The following SYCP1 variants were observed in gnomAD, a reference collection of about 807,000 sequenced individuals.
SYCP1 encodes the protein synaptonemal complex protein 1.
In SYCP1, 64 loss-of-function variants were observed where a neutral mutation model predicts 153.1. The observed-to-expected ratio is 0.42, with a 90% CI of 0.34 to 0.51. SYCP1 has a LOEUF of 0.51. Ranked by LOEUF, SYCP1 falls within the 20% of genes least tolerant of loss-of-function variation. SYCP1 has a pLI of 0.06. For missense variants in SYCP1, 997 were observed against 1,049.0 expected, an observed-to-expected ratio of 0.95 and a Z score of 0.68; for synonymous variants, 384 against 341.8, an observed-to-expected ratio of 1.12 and a Z score of -1.36.
intron 13 of SYCP1, among the ~76,000 whole-genome samples, 164 bp from the exon 14 acceptor site, chr1:114,885,961 A>G (rs952833706): frequency 6.6e-6 from 1 of 152,104 alleles, no homozygotes; most frequent in African/African-American, 2.4e-5. Flanking sequence ...AGAACAGTGA[A>G]TTGAAATAAG....
intron 27 of SYCP1, among the ~76,000 whole-genome samples, chr1:114,964,138 T>C (rs1671953912): frequency 6.6e-6 from 1 of 152,244 alleles, no homozygotes; most frequent in Non-Finnish European, 1.5e-5. Flanking sequence ...TGATGAGCTT[T>C]TTTTTCATGT....
chr1:114,895,717 AT>A (rs903884710), intron 16 of SYCP1, among the ~76,000 whole-genome samples: 1 of 152,116 alleles, frequency 6.6e-6, no homozygotes, highest in African/African-American at 2.4e-5. Flanking sequence ...TGTTTATATC[AT>A]TTGAATATGT....
intron 8 of SYCP1, among the ~76,000 whole-genome samples, chr1:114,873,608 A>T (rs1273358857): frequency 6.6e-6 from 1 of 152,184 alleles, no homozygotes; most frequent in Admixed American, 6.5e-5. Context: ...TAAGAACGGG[A>T]CATATTGGTA....
intron 8 of SYCP1, among the ~76,000 whole-genome samples, chr1:114,864,598 C>T (rs1000658716): frequency 2.0e-5 from 3 of 152,080 alleles, no homozygotes; most frequent in African/African-American, 7.2e-5. Flanking sequence ...AAGCAATCTT[C>T]CTACCTCAGT....
At chr1:114,903,182 A>AGTGG (rs1183066574) in intron 16 of SYCP1, among the ~76,000 whole-genome samples, 1 of 152,132 alleles carries the variant, frequency 6.6e-6, no homozygotes, top group Non-Finnish European at 1.5e-5. Context: ...CTGTCTGAAG[A>AGTGG]ACAAAAACAA....
chr1:114,945,235 C>G (rs1557822632), intron 25 of SYCP1, among the ~76,000 whole-genome samples: 2 of 151,954 alleles, frequency 1.3e-5, no homozygotes, highest in Non-Finnish European at 1.5e-5. Context: ...AGTAATCACT[C>G]TTTTTCTGGA....
chr1:114,911,404 T>G, intron 17 of SYCP1, 75 bp from the exon 18 acceptor site: 1 of 1,187,624 alleles, frequency 8.4e-7, no homozygotes, highest in Non-Finnish European at 1.1e-6. Flanking sequence ...TATGACTTAA[T>G]TACACAGTGA....
chr1:114,914,772 T>C (rs115589671), intron 20 of SYCP1, among the ~76,000 whole-genome samples: 7,058 of 152,282 alleles, frequency 0.046, 197 homozygotes, highest in Middle Eastern at 0.075. Flanking sequence ...GATACTTTTC[T>C]GGAGGAATGC....
chr1:114,910,880 A>T (rs998359137), intron 17 of SYCP1, among the ~76,000 whole-genome samples: 1 of 152,102 alleles, frequency 6.6e-6, no homozygotes, highest in Non-Finnish European at 1.5e-5. Flanking sequence ...TTCCTGGCTC[A>T]TCCCCTCAAG....
chr1:114,947,811 CAAAAAAAAAAAAAAA>C (rs1174716918), intron 27 of SYCP1, among the ~76,000 whole-genome samples: 4 of 43,880 alleles, frequency 9.1e-5, no homozygotes, highest in South Asian at 1.5e-3. Context: ...GACTCCGTCT[CAAAAAAAAAAAAAAA>C]AAAAAAAAAA....
At chr1:114,877,988 G>A in intron 11 of SYCP1, 106 bp from the exon 12 acceptor site, 1 of 672,272 alleles carries the variant, frequency 1.5e-6, no homozygotes, top group Non-Finnish European at 2.4e-6. Flanking sequence ...AAGTGGACCA[G>A]CTGAAAAGCA....
chr1:114,939,487 C>T (rs1306904002), intron 23 of SYCP1, among the ~76,000 whole-genome samples: 1 of 152,148 alleles, frequency 6.6e-6, no homozygotes, highest in East Asian at 1.9e-4. Flanking sequence ...CTGATAGTCA[C>T]AGGAACATGG....
Position 114,911,582 on chromosome 1 carries a change from A to G in SYCP1, c.1529A>G (p.Lys510Arg). ...CTAAAAACTGAGCTTGAAAACGAGA[A>G]GTATGTTTTCCATTTATCTAAAAAT... ...KDLKTELENE[K>R]LKNTELTSHC... The change falls in exon 18 of 32, where the codon AAG becomes AGG. Residue 510 changes from lysine to arginine, a missense_variant and splice_region_variant. Physicochemically the swap from Lys to Arg is conservative, Grantham distance 26. Transcript: ENST00000369522. 1 of 1,474,748 alleles carries G rather than the reference A, an allele frequency of 6.8e-7. No homozygotes were observed. The allele number at this position is 1,474,748 out of a possible 1,614,324, so 91.4% of individuals were successfully genotyped here. A position where few individuals can be genotyped will look rare whatever the true frequency, so the allele number is the denominator to read the frequency against.
intron 8 of SYCP1, among the ~76,000 whole-genome samples, chr1:114,861,369 TAA>T (rs1167219523): frequency 6.6e-6 from 1 of 152,136 alleles, no homozygotes; most frequent in African/African-American, 2.4e-5. Context: ...TGATGAAAAA[TAA>T]GTGTGTGATT....
At chr1:114,916,410 GT>G (rs1449212915) in intron 20 of SYCP1, among the ~76,000 whole-genome samples, 1 of 151,882 alleles carries the variant, frequency 6.6e-6, no homozygotes, top group African/African-American at 2.4e-5. Flanking sequence ...CCAATAGGTT[GT>G]ATCATTGTAA....
intron 26 of SYCP1, 55 bp downstream of exon 26, chr1:114,946,436 C>T: frequency 9.2e-7 from 1 of 1,088,132 alleles, no homozygotes; most frequent in South Asian, 1.5e-5. Flanking sequence ...TCAGCAGTGA[C>T]TGGTGGTAAA....
At chr1:114,928,700 G>C (rs360592) in intron 23 of SYCP1, among the ~76,000 whole-genome samples, 3 of 152,022 alleles carry the variant, frequency 2.0e-5, no homozygotes, top group Non-Finnish European at 4.4e-5. Flanking sequence ...ACAAAGGACA[G>C]GGGAGTAAAT....
intron 23 of SYCP1, among the ~76,000 whole-genome samples, chr1:114,932,088 A>T (rs183434938): frequency 6.6e-6 from 1 of 152,190 alleles, no homozygotes; most frequent in Admixed American, 6.5e-5. Context: ...TAGGCATACA[A>T]TCTTGAACTC....
intron 19 of SYCP1, 72 bp from the exon 20 acceptor site, chr1:114,913,903 G>A: frequency 8.8e-7 from 1 of 1,133,186 alleles, no homozygotes; most frequent in Non-Finnish European, 1.2e-6. Context: ...ATAGATAAAG[G>A]TCTTAAATAG....
Sources: gnomAD v4.1 joint callset for allele counts (sites outside exome capture counted in the v4.1 genomes callset) on GRCh38, gnomAD v4.1.1 for gene constraint, MANE v1.5 for transcripts, NCBI Gene and HGNC (gene_info 2026-07-23, HGNC 2026-07-21) for gene names.